Variants in ESRRG observed in about 807,000 individuals in gnomAD.
ESRRG encodes the protein estrogen related receptor gamma.
ESRRG carries 13 observed loss-of-function variants against 44.0 expected under a neutral mutation model. The ratio of observed to expected loss-of-function variants is 0.30; its 90% confidence interval spans 0.19 to 0.47. ESRRG has a LOEUF of 0.47. ESRRG is among the 20% of genes least tolerant of loss of function. The probability of loss-of-function intolerance (pLI) is 1.00; values close to 1 mark genes in which losing one functional copy is unlikely to be tolerated. For missense variants in ESRRG, 395 were observed against 580.6 expected (o/e 0.68, Z 3.29); for synonymous variants, 215 against 214.6 (o/e 1.00, Z -0.02).
intron 2 of ESRRG, among the ~76,000 whole-genome samples, chr1:216,732,767 A>G (rs1235921647): frequency 6.7e-6 from 1 of 148,574 alleles, no homozygotes; most frequent in Non-Finnish European, 1.5e-5. Context: ...TCAATGATCA[A>G]TGATCACACC....
chr1:216,803,278 T>C (rs910972838), intron 2 of ESRRG, among the ~76,000 whole-genome samples: 4 of 152,308 alleles, frequency 2.6e-5, no homozygotes, highest in African/African-American at 7.2e-5. Context: ...GTACAAAATC[T>C]ATTTTAAAAT....
chr1:216,944,895 C>T (rs2065824261), intron 1 of ESRRG, among the ~76,000 whole-genome samples: 1 of 151,946 alleles, frequency 6.6e-6, no homozygotes. Flanking sequence ...TGCAGCTGAC[C>T]CAGCTTCCAG....
Position 216,982,874 on chromosome 1 carries a change from C to G in ESRRG, c.-105-43201G>C, listed in dbSNP as rs570780910. On this transcript the variant is annotated intron_variant, in intron 1 of 7. Coordinates refer to the ESRRG transcript ENST00000359162. ...TGTTTTTTCCAGCCAATTGCTGATG[C>G]CTAGGTCACAATCATCAATAATTTT... Among the ~76,000 whole-genome samples the G allele has an allele frequency of 3.3e-5, 5 of 152,080 alleles. No homozygotes were observed. The South Asian group carries it at 1.0e-3, about 32-fold the overall frequency.
intron 5 of ESRRG, among the ~76,000 whole-genome samples, chr1:216,549,350 G>A (rs1377649590): frequency 3.3e-5 from 5 of 152,044 alleles, no homozygotes; most frequent in Non-Finnish European, 7.4e-5. Context: ...ATATTGGAAA[G>A]GAGGGAAAAG....
intron 1 of ESRRG, among the ~76,000 whole-genome samples, chr1:216,697,352 C>T (rs2080382996): frequency 6.6e-6 from 1 of 152,136 alleles, no homozygotes; most frequent in African/African-American, 2.4e-5. Context: ...ACCTGGAATA[C>T]TCACAAAAAG....
chr1:216,565,483 G>A (rs2059527664), intron 4 of ESRRG, among the ~76,000 whole-genome samples: 1 of 152,080 alleles, frequency 6.6e-6, no homozygotes, highest in Non-Finnish European at 1.5e-5. Flanking sequence ...TTTGCCTCTC[G>A]CTCTAAGTTT....
intron 1 of ESRRG, chr1:216,701,480 C>T (rs1293973848): frequency 6.6e-6 from 1 of 152,210 alleles, no homozygotes; most frequent in African/African-American, 2.4e-5. Context: ...CATCAGCAGA[C>T]CTGTCTCCTC....
upstream of ESRRG, among the ~76,000 whole-genome samples, chr1:217,092,066 T>C (rs1022908169): frequency 3.9e-5 from 6 of 152,296 alleles, no homozygotes; most frequent in Non-Finnish European, 7.4e-5. Flanking sequence ...AGTGAGATGT[T>C]TGAGCAACTA....
intron 2 of ESRRG, among the ~76,000 whole-genome samples, chr1:216,667,263 G>C (rs1330290650): frequency 2.0e-5 from 3 of 152,188 alleles, no homozygotes; most frequent in African/African-American, 4.8e-5. Flanking sequence ...CGTGTGTAAA[G>C]AGAATTTATT....
intron 1 of ESRRG, among the ~76,000 whole-genome samples, chr1:216,954,103 T>G (rs2067486063): frequency 6.6e-6 from 1 of 152,164 alleles, no homozygotes; most frequent in Non-Finnish European, 1.5e-5. Flanking sequence ...ATTGTCATCT[T>G]GGTTCTTTAG....
intron 1 of ESRRG, among the ~76,000 whole-genome samples, chr1:217,080,968 C>T (rs2151511519): frequency 6.6e-6 from 1 of 151,658 alleles, no homozygotes; most frequent in Non-Finnish European, 1.5e-5. Context: ...TGAGCCACCG[C>T]GCCTGACCCC....
chr1:216,553,885 T>A (rs2056964264), intron 5 of ESRRG, among the ~76,000 whole-genome samples: 1 of 152,054 alleles, frequency 6.6e-6, no homozygotes, highest in South Asian at 2.1e-4. Flanking sequence ...ATTTTAAAAG[T>A]GTGTTTTTTT....
At chr1:216,726,737 CAT>C (rs937885922), upstream of ESRRG, among the ~76,000 whole-genome samples, 14 of 152,100 alleles carry the variant, frequency 9.2e-5, no homozygotes, top group African/African-American at 3.4e-4. Flanking sequence ...TTGGTGTATG[CAT>C]AGTTTCAATC....
chr1:216,929,238 G>A (rs932923534), intron 2 of ESRRG, among the ~76,000 whole-genome samples: 1 of 152,092 alleles, frequency 6.6e-6, no homozygotes, highest in African/African-American at 2.4e-5. Context: ...GTAAAAGTTG[G>A]TCACTCAAAT....
chr1:216,689,290 G>A (rs1384237118), intron 1 of ESRRG, among the ~76,000 whole-genome samples: 1 of 152,098 alleles, frequency 6.6e-6, no homozygotes. Context: ...GGTGAGTTTT[G>A]ATTACACATT....
chr1:216,507,368 T>C (rs957135075), intron 6 of ESRRG, among the ~76,000 whole-genome samples, 185 bp from the exon 7 acceptor site: 2 of 152,222 alleles, frequency 1.3e-5, no homozygotes, highest in African/African-American at 4.8e-5. Context: ...ACATAATTTC[T>C]AATACTAGCT....
At chr1:217,127,882 A>G (rs1469286652) in intron 1 of ESRRG, among the ~76,000 whole-genome samples, 1 of 152,250 alleles carries the variant, frequency 6.6e-6, no homozygotes, top group Non-Finnish European at 1.5e-5. Context: ...TATGTCTCAT[A>G]TGTAGAAAAC....
chr1:216,769,573 G>A (rs543370520), intron 2 of ESRRG, among the ~76,000 whole-genome samples: 2 of 152,026 alleles, frequency 1.3e-5, no homozygotes, highest in African/African-American at 2.4e-5. Flanking sequence ...CATACATGAA[G>A]CCGTCACATG....
At chr1:216,731,896 G>A (rs767853585) in intron 2 of ESRRG, among the ~76,000 whole-genome samples, 1 of 151,938 alleles carries the variant, frequency 6.6e-6, no homozygotes, top group African/African-American at 2.4e-5. Context: ...AGTTGAATTC[G>A]GAAACTAAAT....
Sources: gnomAD v4.1 joint callset for allele counts (sites outside exome capture counted in the v4.1 genomes callset) on GRCh38, gnomAD v4.1.1 for gene constraint, MANE v1.5 for transcripts, NCBI Gene and HGNC (gene_info 2026-07-23, HGNC 2026-07-21) for gene names.